The following PDE11A variants were observed in gnomAD, a reference collection of about 807,000 sequenced individuals.
PDE11A encodes the protein dual 3',5'-cyclic-AMP and -GMP phosphodiesterase 11A.
In PDE11A, 100 loss-of-function variants were observed where a neutral mutation model predicts 100.5. That is an observed-to-expected ratio of 1.00 (90% CI 0.85 to 1.18). The LOEUF is 1.18. Among genes scored for constraint, PDE11A ranks in the 50% most tolerant of loss-of-function variants. The probability of loss-of-function intolerance (pLI) is 0.00; values close to 1 mark genes in which losing one functional copy is unlikely to be tolerated. For synonymous variants in PDE11A, 381 were observed against 420.8 expected, an observed-to-expected ratio of 0.91 and a Z score of 1.16; for missense variants, 1,141 against 1,152.6, an observed-to-expected ratio of 0.99 and a Z score of 0.15.
rs2083117386 is a variant in PDE11A, at chr2:177,820,284, T to C, written c.1512A>G (p.Ile504Met). The change falls in exon 7 of 20, where the codon ATA (isoleucine) becomes ATG (methionine). Residue 504 changes from isoleucine (I) to methionine (M), a missense_variant. Ile to Met is a conservative substitution (Grantham distance 10). Transcript: ENST00000286063. The part of the protein sequence containing the change: ...DPRFDAEADQ[I>M]SGFHIRSVLC... ...GAACAGATCTTATGTGAAAACCAGA[T>C]ATCTGGTCTGCCTAGGAAACAAGAA... The C allele has an allele frequency of 6.4e-7, 1 of 1,574,298 alleles. No individual in the cohort carries two copies. The highest frequency in any genetic ancestry group is 1.3e-5 in the African/African-American group (1 of 74,102).
chr2:178,021,740 A>G (rs1390309570), intron 1 of PDE11A, among the ~76,000 whole-genome samples: 1 of 152,226 alleles, frequency 6.6e-6, no homozygotes, highest in Non-Finnish European at 1.5e-5. Flanking sequence ...AAAGAAAGTG[A>G]AGTGTTTAAG....
intron 2 of PDE11A, among the ~76,000 whole-genome samples, chr2:178,093,220 C>T (rs2087445670): frequency 6.6e-6 from 1 of 152,176 alleles, no homozygotes; most frequent in African/African-American, 2.4e-5. Context: ...TGAACTACCA[C>T]CAAAGACATG....
chr2:177,823,225 T>C (rs539504387), intron 6 of PDE11A, among the ~76,000 whole-genome samples: 1 of 152,258 alleles, frequency 6.6e-6, no homozygotes, highest in Non-Finnish European at 1.5e-5. Context: ...TGCTTAGTAT[T>C]GAGGATAGAA....
intron 5 of PDE11A, among the ~76,000 whole-genome samples, chr2:177,866,459 A>T (rs2084032005): frequency 6.6e-6 from 1 of 152,186 alleles, no homozygotes; most frequent in Admixed American, 6.5e-5. Flanking sequence ...ACTGTGGTCA[A>T]ATGCTCTCCC....
intron 2 of PDE11A, among the ~76,000 whole-genome samples, chr2:178,082,478 C>T (rs1156878116): frequency 1.3e-5 from 2 of 152,136 alleles, no homozygotes; most frequent in Non-Finnish European, 2.9e-5. Context: ...TGCAGGGTGG[C>T]CATTCTGACA....
intron 2 of PDE11A, among the ~76,000 whole-genome samples, chr2:177,913,003 T>C (rs560720070): frequency 6.6e-6 from 1 of 152,292 alleles, no homozygotes; most frequent in South Asian, 2.1e-4. Context: ...GGGGATCTTA[T>C]TGGTAGTGGG....
chr2:177,746,767 CAAGT>C (rs1325554744), intron 10 of PDE11A, among the ~76,000 whole-genome samples: 1 of 152,074 alleles, frequency 6.6e-6, no homozygotes, highest in Non-Finnish European at 1.5e-5. Flanking sequence ...TCTAACCATA[CAAGT>C]AAGCCTGAAC....
intron 7 of PDE11A, among the ~76,000 whole-genome samples, chr2:177,818,384 T>C (rs776419575): frequency 1.3e-5 from 2 of 151,682 alleles, no homozygotes; most frequent in Non-Finnish European, 2.9e-5. Context: ...ATTAAGAACA[T>C]AAGCTTTGGA....
At chr2:177,781,128 T>C (rs984120515) in intron 9 of PDE11A, among the ~76,000 whole-genome samples, 10 of 152,140 alleles carry the variant, frequency 6.6e-5, no homozygotes, top group African/African-American at 2.4e-4. Flanking sequence ...TTAGAGGTCA[T>C]TGTAGGGTTA....
intron 2 of PDE11A, among the ~76,000 whole-genome samples, chr2:177,979,069 G>A (rs1163707440): frequency 1.0e-4 from 10 of 99,708 alleles, no homozygotes; most frequent in African/African-American, 3.3e-4. Context: ...CTAAAACTTA[G>A]AGTATAATAA....
intron 1 of PDE11A, among the ~76,000 whole-genome samples, chr2:178,029,360 A>G (rs2086516928): frequency 6.6e-6 from 1 of 152,234 alleles, no homozygotes; most frequent in South Asian, 2.1e-4. Flanking sequence ...TCAAATATTT[A>G]AACATTTAGA....
rs1036471689 is a variant in PDE11A, at chr2:177,920,981, G to C, written c.1072-15794C>G. On this transcript the variant is annotated intron_variant, in intron 2 of 19. Transcript: ENST00000286063. ...GGAGGCTGAGGCAGGAGAATGGTGT[G>C]AACCCGGGAGGCAGAGCTTGCAGTG... is the stretch of plus-strand genomic sequence containing the variant. Among the ~76,000 whole-genome samples the C allele has an allele frequency of 3.3e-5, 5 of 150,820 alleles. No individual in the cohort carries two copies. The Middle Eastern group carries it at 0.01, about 312-fold the overall frequency.
intron 5 of PDE11A, among the ~76,000 whole-genome samples, chr2:177,859,209 C>T (rs7581711): frequency 0.1 from 15,297 of 151,558 alleles, 953 homozygotes; most frequent in African/African-American, 0.18. Context: ...AACAAACCTG[C>T]ATGTTGTGCA....
chr2:177,672,446 G>A (rs773990943), intron 17 of PDE11A, among the ~76,000 whole-genome samples: 60 of 152,222 alleles, frequency 3.9e-4, no homozygotes, highest in Non-Finnish European at 7.9e-4. Context: ...AAATTGGTAC[G>A]GAAGTGAGGT....
chr2:177,802,453 A>C (rs1306708371), intron 9 of PDE11A, among the ~76,000 whole-genome samples: 1 of 152,082 alleles, frequency 6.6e-6, no homozygotes, highest in African/African-American at 2.4e-5. Flanking sequence ...GGAAATAGCC[A>C]AAGTATTGAT....
At chr2:177,699,635 C>T (rs964669804) in intron 14 of PDE11A, among the ~76,000 whole-genome samples, 3 of 152,160 alleles carry the variant, frequency 2.0e-5, no homozygotes, top group African/African-American at 4.8e-5. Context: ...AATGGAAAGA[C>T]ATGCAGATCT....
intron 12 of PDE11A, among the ~76,000 whole-genome samples, chr2:177,717,934 T>C (rs1441099430): frequency 6.6e-6 from 1 of 152,178 alleles, no homozygotes; most frequent in Admixed American, 6.5e-5. Flanking sequence ...TGGGGGAATA[T>C]CATAGCCAGA....
chr2:178,033,697 A>G (rs908694100), intron 1 of PDE11A, among the ~76,000 whole-genome samples: 1 of 152,028 alleles, frequency 6.6e-6, no homozygotes, highest in Non-Finnish European at 1.5e-5. Flanking sequence ...CTAACAGTGG[A>G]TCTCTCTGCA....
intron 9 of PDE11A, among the ~76,000 whole-genome samples, chr2:177,814,559 C>T (rs1191381846): frequency 6.6e-6 from 1 of 152,090 alleles, no homozygotes; most frequent in Non-Finnish European, 1.5e-5. Context: ...ACTGGGAATG[C>T]CACTTTCCAC....
Sources: allele counts gnomAD v4.1 joint callset (sites outside exome capture counted in the v4.1 genomes callset), GRCh38; gene constraint gnomAD v4.1.1; transcripts MANE v1.5; gene names NCBI Gene and HGNC (gene_info 2026-07-23, HGNC 2026-07-21).